SHISAL1: variants seen among roughly 807,000 people sequenced by gnomAD.
SHISAL1 encodes the protein shisa like 1.
Under a neutral mutation model 22.6 loss-of-function variants are expected in SHISAL1, and 9 were observed. The observed-to-expected ratio is 0.40, with a 90% confidence interval of 0.24 to 0.70. The LOEUF is 0.70. Ranked by LOEUF, SHISAL1 falls within the 30% of genes least tolerant of loss-of-function variation. The pLI is 0.39. For missense variants in SHISAL1, 246 were observed against 270.6 expected (o/e 0.91, Z 0.64); for synonymous variants, 119 against 115.4 (o/e 1.03, Z -0.20).
chr22:44,284,893 T>TCCTGCCTGCCTGCCTGCCTG (rs376263550), intron 4 of SHISAL1, among the ~76,000 whole-genome samples: 1 of 144,108 alleles, frequency 6.9e-6, no homozygotes, highest in African/African-American at 2.6e-5. Flanking sequence ...CTCTCTGCCT[T>TCCTGCCTGCCTGCCTGCCTG]CCTGCCTTCC....
chr22:44,253,136 C>T (rs1402109179), intron 4 of SHISAL1, among the ~76,000 whole-genome samples: 1 of 152,144 alleles, frequency 6.6e-6, no homozygotes, highest in East Asian at 1.9e-4. Flanking sequence ...AAATGATAAA[C>T]GTTATGTGCA....
rs1555926299 is a variant in SHISAL1 at position 44,266,528 on chromosome 22, A to ATGTGTGTATGTGTGTGTGTGTG, written c.*-16844_*-16843insCACACACACACACATACACACA. Among the ~76,000 whole-genome samples the ATGTGTGTATGTGTGTGTGTGTG allele has an allele frequency of 7.6e-3, 819 of 108,380 alleles. 16 individuals are homozygous for ATGTGTGTATGTGTGTGTGTGTG. Among genetic ancestry groups the ATGTGTGTATGTGTGTGTGTGTG allele is most frequent in the African/African-American group, 0.03 (792 of 26,384 alleles). The allele number at this position is 108,380 out of a possible 152,430, so 71.1% of individuals were successfully genotyped here. ...ATGTGTGTGTTGGGGGCTTTGGGGT[A>ATGTGTGTATGTGTGTGTGTGTG]TGTGTGTGTGTGTGTGTGTGTGTGT... On this transcript the variant is annotated intron_variant, in intron 4 of 4. Coordinates refer to ENST00000381176, the MANE Select transcript of SHISAL1 (RefSeq NM_001099294.2).
At chr22:44,296,648 T>C (rs763984194) in intron 3 of SHISAL1, 24 bp downstream of exon 3, 3 of 1,605,790 alleles carry the variant, frequency 1.9e-6, no homozygotes, top group Admixed American at 1.7e-5. Flanking sequence ...GGCAGTGGGG[T>C]TGCACCCCCA....
chr22:44,273,969 G>C (rs2055221609), intron 4 of SHISAL1, among the ~76,000 whole-genome samples: 3 of 152,166 alleles, frequency 2.0e-5, no homozygotes, highest in African/African-American at 7.2e-5. Context: ...TGTAGTTCTA[G>C]CACTTTGGGA....
intron 2 of SHISAL1, 135 bp downstream of exon 2, chr22:44,300,744 G>C: frequency 1.4e-6 from 1 of 694,912 alleles, no homozygotes; most frequent in Non-Finnish European, 2.5e-6. Flanking sequence ...GCTCACCAGA[G>C]GGGTGCCAGT....
At chr22:44,309,593 C>T (rs2055503800) in intron 1 of SHISAL1, among the ~76,000 whole-genome samples, 1 of 152,134 alleles carries the variant, frequency 6.6e-6, no homozygotes, top group Non-Finnish European at 1.5e-5. Context: ...GGGACTCAAA[C>T]CCCGGGGTCT....
chr22:44,256,454 T>C (rs2147269687), intron 4 of SHISAL1, among the ~76,000 whole-genome samples: 1 of 152,342 alleles, frequency 6.6e-6, no homozygotes, highest in Admixed American at 6.5e-5. Context: ...TATATGCGAC[T>C]GGTTCTGTTT....
chr22:44,309,009 C>T (rs1259126198), intron 1 of SHISAL1, among the ~76,000 whole-genome samples: 1 of 152,232 alleles, frequency 6.6e-6, no homozygotes, highest in African/African-American at 2.4e-5. Flanking sequence ...GGGCCTTTGC[C>T]CAGCTGGTCC....
chr22:44,274,684 TAGG>T (rs561611847), intron 4 of SHISAL1, among the ~76,000 whole-genome samples: 103 of 152,212 alleles, frequency 6.8e-4, no homozygotes, highest in East Asian at 3.5e-3. Context: ...GCTGATTCAA[TAGG>T]AGAACAAAAT....
At chr22:44,282,004 T>C (rs1006323156) in intron 4 of SHISAL1, among the ~76,000 whole-genome samples, 1 of 152,188 alleles carries the variant, frequency 6.6e-6, no homozygotes, top group African/African-American at 2.4e-5. Context: ...TTCTTATGAT[T>C]GATGGAGTGC....
Position 44,285,531 on chromosome 22 carries a change from G to T in SHISAL1, c.496C>A (p.Gln166Lys), listed in dbSNP as rs1351819778. ...PRPGQRAPQPQPPPGPLPQAP... is the reference protein window; with the variant it reads ...PRPGQRAPQPKPPPGPLPQAP... ...TGTGGCAGCGGGCCTGGGGGAGGCTGCGGCTGTGGGGCCCGCTGACCCGGC... is the reference window on the plus strand; with the variant it reads ...TGTGGCAGCGGGCCTGGGGGAGGCTTCGGCTGTGGGGCCCGCTGACCCGGC... Residue 166 changes from glutamine (Q) to lysine (K), a missense_variant, in exon 4 of 5, where the codon CAG (glutamine) becomes AAG (lysine). Physicochemically the swap from Gln to Lys is moderately conservative, Grantham distance 53. Around this residue, in one of 2 missense-constraint regions of SHISAL1, gnomAD observed 136 missense variants for 117.5 expected, o/e 1.16. Coordinates refer to ENST00000381176, the MANE Select transcript of SHISAL1 (RefSeq NM_001099294.2). The T allele has an allele frequency of 6.2e-7, 1 of 1,613,068 alleles. No homozygotes were observed. The highest frequency in any genetic ancestry group is 1.3e-5 in the African/African-American group (1 of 74,908).
At chr22:44,331,188 G>C in the SHISAL1 span, among the ~76,000 whole-genome samples, 261 of 152,014 alleles carry the variant, frequency 1.7e-3, 1 homozygote, top group African/African-American at 6.0e-3. This position sits in a 1 kb window ranked among gnomAD's most constrained non-coding sequence, Gnocchi z 5.2. Context: ...GCGCCGGCGC[G>C]GACCCCAGTG....
At chr22:44,253,404 A>G (rs971906290) in intron 4 of SHISAL1, among the ~76,000 whole-genome samples, 2 of 150,526 alleles carry the variant, frequency 1.3e-5, no homozygotes, top group African/African-American at 4.9e-5. Flanking sequence ...GAGAAAAAGC[A>G]GAGTATGCTA....
chr22:44,283,791 T>C (rs1220822975), intron 4 of SHISAL1, among the ~76,000 whole-genome samples: 1 of 152,238 alleles, frequency 6.6e-6, no homozygotes, highest in Admixed American at 6.5e-5. Context: ...CCTCCTGAGC[T>C]GTAGTGCCTA....
the SHISAL1 span, among the ~76,000 whole-genome samples, chr22:44,320,560 T>C: frequency 2.0e-5 from 3 of 152,244 alleles, no homozygotes; most frequent in East Asian, 5.8e-4. Context: ...CTCCACTGCT[T>C]CTAAATCGAT....
Position 44,249,512 on chromosome 22 carries a change from C to T in SHISAL1, c.*173G>A, listed in dbSNP as rs965585123. The T allele has an allele frequency of 5.6e-6, 3 of 539,264 alleles. No homozygotes were observed. Among genetic ancestry groups the T allele is most frequent in the Non-Finnish European group, 1.0e-5 (3 of 290,302 alleles). 33.4% of individuals were successfully genotyped at this position (539,264 alleles called of 1,614,324 possible). On this transcript the variant is annotated 3_prime_UTR_variant, in exon 5 of 5. Coordinates refer to ENST00000381176, the MANE Select transcript of SHISAL1 (RefSeq NM_001099294.2). ...CCCAGCCCCTACCCCTGAGTTTGCT[C>T]CTAATCTTAGAAGTCCGCGGAAGGG... is the stretch of plus-strand genomic sequence containing the variant.
chr22:44,257,176 C>A (rs1310945567), intron 4 of SHISAL1, among the ~76,000 whole-genome samples: 2 of 152,188 alleles, frequency 1.3e-5, no homozygotes, highest in African/African-American at 2.4e-5. Context: ...GGTACAGATG[C>A]CCACATCCTC....
chr22:44,253,013 TAAAAAAAAA>T (rs2055059445), intron 4 of SHISAL1, among the ~76,000 whole-genome samples: 1 of 148,310 alleles, frequency 6.7e-6, no homozygotes, highest in African/African-American at 2.5e-5. Flanking sequence ...ATAAAAAAAA[TAAAAAAAAA>T]GGGCAGATGA....
intron 3 of SHISAL1, among the ~76,000 whole-genome samples, chr22:44,290,538 A>AC (rs2055345780): frequency 6.6e-6 from 1 of 150,560 alleles, no homozygotes; most frequent in Admixed American, 6.6e-5. Context: ...TCAAAAAAAA[A>AC]AAAAAACAAA....
Sources: allele counts gnomAD v4.1 joint callset (sites outside exome capture counted in the v4.1 genomes callset), GRCh38; gene constraint gnomAD v4.1.1; regional missense constraint gnomAD v4.1.1; non-coding constraint Gnocchi (gnomAD v3.1); transcripts MANE v1.5; gene names NCBI Gene and HGNC (gene_info 2026-07-23, HGNC 2026-07-21).